Variants in DGKG observed in about 807,000 individuals in gnomAD.
The protein encoded by DGKG is DAG kinase gamma.
A neutral mutation model predicts 105.3 loss-of-function variants in DGKG; 78 were observed. The observed-to-expected ratio is 0.74, with a 90% CI of 0.62 to 0.89. DGKG has a LOEUF of 0.89. Ranked by LOEUF, DGKG falls within the 40% of genes least tolerant of loss-of-function variation. DGKG has a pLI of 0.00. For synonymous variants in DGKG, 346 were observed against 367.1 expected (o/e 0.94, Z 0.66); for missense variants, 958 against 1,020.1 (o/e 0.94, Z 0.83).
At chr3:186,235,109 TG>T (rs1411302098) in intron 20 of DGKG, among the ~76,000 whole-genome samples, 1 of 151,986 alleles carries the variant, frequency 6.6e-6, no homozygotes, top group African/African-American at 2.4e-5. Flanking sequence ...GTGGGGAGGG[TG>T]GGGGACAAAA....
In DGKG at chr3:186,249,988, C is replaced by T. The variant is rs60134884; in HGVS notation, c.1761+1771G>A. Among the ~76,000 whole-genome samples the T allele has an allele frequency of 7.0e-4, 106 of 152,198 alleles. 1 individual carries two copies. The East Asian group carries it at 0.02, about 29-fold the overall frequency. On this transcript the variant is annotated intron_variant, in intron 19 of 24. Transcript: ENST00000265022. ...GAGGATGGTTGAGGAGTGCAGGTAT[C>T]ACAGAGTCTGGGGCAGAGGATTCGT...
chr3:186,165,229 G>A (rs1716483880), intron 22 of DGKG, among the ~76,000 whole-genome samples: 1 of 152,132 alleles, frequency 6.6e-6, no homozygotes, highest in Non-Finnish European at 1.5e-5. Flanking sequence ...AGTGAAAAAA[G>A]ATTTTGATTC....
chr3:186,224,175 A>G (rs1578688275), intron 20 of DGKG, among the ~76,000 whole-genome samples: 2 of 152,304 alleles, frequency 1.3e-5, no homozygotes, highest in East Asian at 1.9e-4. Context: ...GTATCTGGCC[A>G]AAAATATTCC....
At chr3:186,224,462 G>A (rs748012818) in intron 20 of DGKG, among the ~76,000 whole-genome samples, 2 of 152,144 alleles carry the variant, frequency 1.3e-5, no homozygotes, top group Non-Finnish European at 2.9e-5. Context: ...CACCATGCCC[G>A]CAGGCAGACA....
At chr3:186,310,232 A>G (rs1268355541) in intron 2 of DGKG, among the ~76,000 whole-genome samples, 1 of 128,386 alleles carries the variant, frequency 7.8e-6, no homozygotes, top group Non-Finnish European at 1.6e-5. Flanking sequence ...GCACCACTGC[A>G]CTCCAGCCTG....
intron 19 of DGKG, among the ~76,000 whole-genome samples, chr3:186,243,940 A>C (rs1578716404): frequency 9.0e-6 from 1 of 110,938 alleles, no homozygotes; most frequent in Admixed American, 1.4e-4. Context: ...CTTGTCGCCC[A>C]GGCTGGAGTG....
intron 19 of DGKG, among the ~76,000 whole-genome samples, chr3:186,246,117 A>ATCTG (rs1720929883): frequency 6.6e-6 from 1 of 151,984 alleles, no homozygotes; most frequent in Non-Finnish European, 1.5e-5. Flanking sequence ...GATTACTGGC[A>ATCTG]CCTGCCACCA....
At chr3:186,326,511 C>T (rs986463655) in intron 1 of DGKG, among the ~76,000 whole-genome samples, 1 of 152,032 alleles carries the variant, frequency 6.6e-6, no homozygotes, top group Non-Finnish European at 1.5e-5. Flanking sequence ...ACCTCCAACT[C>T]CAGTCCGACA....
At chr3:186,250,557 C>CTTTTTTTTTTTTTTTT (rs10529645) in intron 19 of DGKG, among the ~76,000 whole-genome samples, 4,011 of 115,770 alleles carry the variant, frequency 0.035, 319 homozygotes, top group African/African-American at 0.053. Context: ...TTCTGTCATT[C>CTTTTTTTTTTTTTTTT]TTTTTTTTTT....
intron 1 of DGKG, among the ~76,000 whole-genome samples, chr3:186,356,273 T>C (rs555245537): frequency 1.3e-5 from 2 of 152,302 alleles, no homozygotes; most frequent in East Asian, 1.9e-4. Context: ...GATTCAGAGA[T>C]GGCAGGAAGC....
At chr3:186,238,263 T>C (rs915508401) in intron 20 of DGKG, among the ~76,000 whole-genome samples, 1 of 118,710 alleles carries the variant, frequency 8.4e-6, no homozygotes, top group Non-Finnish European at 1.6e-5. Context: ...ACCACTGCAC[T>C]CCAGGCCAGG....
At chr3:186,332,571 A>T (rs779496140) in intron 1 of DGKG, among the ~76,000 whole-genome samples, 2 of 152,144 alleles carry the variant, frequency 1.3e-5, no homozygotes, top group Non-Finnish European at 2.9e-5. Context: ...CACAAGTCTG[A>T]CTTTGGAATT....
intron 7 of DGKG, among the ~76,000 whole-genome samples, chr3:186,282,973 A>G (rs1164725657): frequency 6.6e-6 from 1 of 150,966 alleles, no homozygotes; most frequent in Non-Finnish European, 1.5e-5. Context: ...AAGTGGCGTG[A>G]TCTTGGCTCA....
In DGKG at chr3:186,233,799, G is replaced by A. The variant is rs182478582; in HGVS notation, c.1826+8705C>T. 1.3e-3 allele frequency among the ~76,000 whole-genome samples: 202 copies of A among 152,314 alleles called. No homozygotes were observed. The South Asian group carries it at 0.015, about 11-fold the overall frequency. On this transcript the variant is annotated intron_variant, in intron 20 of 24. Coordinates refer to ENST00000265022, the MANE Select transcript of DGKG (RefSeq NM_001346.3). ...CGCCCAGCCAGTAGTGTTGTTTTAAGCCACTAAGTTTGTGGCAGTTCATGA... is the reference window on the plus strand; with the variant it reads ...CGCCCAGCCAGTAGTGTTGTTTTAAACCACTAAGTTTGTGGCAGTTCATGA...
chr3:186,229,249 T>TC (rs1164233163), intron 20 of DGKG, among the ~76,000 whole-genome samples: 1 of 151,584 alleles, frequency 6.6e-6, no homozygotes, highest in Non-Finnish European at 1.5e-5. Context: ...TTGTAGCTTT[T>TC]TTTTTTTTTT....
At chr3:186,267,518 C>T in intron 13 of DGKG, 167 bp downstream of exon 13, 4 of 591,620 alleles carry the variant, frequency 6.8e-6, no homozygotes, top group Non-Finnish European at 1.2e-5. Context: ...CAAACCCTCC[C>T]ATGTACTCTC....
intron 22 of DGKG, among the ~76,000 whole-genome samples, chr3:186,184,995 G>A (rs749577498): frequency 3.9e-5 from 6 of 152,096 alleles, no homozygotes; most frequent in South Asian, 2.1e-4. Flanking sequence ...TTAATTTTGC[G>A]GAACTGTAAG....
chr3:186,153,675 A>G (rs987455955), intron 24 of DGKG, among the ~76,000 whole-genome samples: 2 of 152,244 alleles, frequency 1.3e-5, no homozygotes, highest in African/African-American at 4.8e-5. Flanking sequence ...AAACCAACAC[A>G]TTCTTATTAC....
At position 186,149,423 on chromosome 3, in the gene DGKG, G is replaced by A; in HGVS notation, c.*667C>T. 1 of 985,482 alleles carries A rather than the reference G, an allele frequency of 1.0e-6. No individual in the cohort carries two copies. Among genetic ancestry groups the A allele is most frequent in the Non-Finnish European group, 1.2e-6 (1 of 829,970 alleles). 61.0% of individuals were successfully genotyped at this position (985,482 alleles called of 1,614,324 possible). A position where few individuals can be genotyped will look rare whatever the true frequency, so the allele number is the denominator to read the frequency against. ...CTAAGCAAACATGTAGACACCAGGA[G>A]AAGGTTCCTGGAAAATAACAAGTGC... On this transcript the variant is annotated 3_prime_UTR_variant, in exon 25 of 25. Transcript: ENST00000265022.
Sources: gnomAD v4.1 joint callset for allele counts (sites outside exome capture counted in the v4.1 genomes callset) on GRCh38, gnomAD v4.1.1 for gene constraint, MANE v1.5 for transcripts, NCBI Gene and HGNC (gene_info 2026-07-23, HGNC 2026-07-21) for gene names.